The following PTPRO variants were observed in gnomAD, a reference collection of about 807,000 sequenced individuals.
PTPRO encodes the protein receptor-type tyrosine-protein phosphatase O.
PTPRO carries 62 observed loss-of-function variants against 145.2 expected under a neutral mutation model. The observed-to-expected ratio is 0.43, with a 90% CI of 0.35 to 0.53. PTPRO has a LOEUF of 0.53. Ranked by LOEUF, PTPRO falls within the 20% of genes least tolerant of loss-of-function variation. PTPRO has a pLI of 0.01. For missense variants in PTPRO, 1,345 were observed against 1,482.7 expected (o/e 0.91, Z 1.53); for synonymous variants, 565 against 514.7 (o/e 1.10, Z -1.32).
intron 1 of PTPRO, among the ~76,000 whole-genome samples, chr12:15,424,110 A>G (rs189563842): frequency 1.2e-4 from 19 of 152,344 alleles, no homozygotes; most frequent in African/African-American, 4.1e-4. Context: ...ATAACTGAAT[A>G]TTCTCAAATA....
intron 1 of PTPRO, among the ~76,000 whole-genome samples, chr12:15,448,627 A>C (rs951656695): frequency 6.6e-6 from 1 of 152,170 alleles, no homozygotes; most frequent in African/African-American, 2.4e-5. Flanking sequence ...GGCCTCTCAA[A>C]AAATTAAAAA....
At chr12:15,361,164 G>A (rs1254532732) in intron 1 of PTPRO, among the ~76,000 whole-genome samples, 10 of 151,600 alleles carry the variant, frequency 6.6e-5, no homozygotes, top group African/African-American at 2.2e-4. Context: ...TGGGTCGGGC[G>A]TGGTGGCTCA....
At chr12:15,388,407 G>A (rs909716109) in intron 1 of PTPRO, among the ~76,000 whole-genome samples, 5 of 152,194 alleles carry the variant, frequency 3.3e-5, no homozygotes, top group Middle Eastern at 3.4e-3. Flanking sequence ...CTGCACTGAA[G>A]CTTTTTTCTT....
chr12:15,412,417 A>G (rs1016435951), intron 1 of PTPRO, among the ~76,000 whole-genome samples: 18 of 152,250 alleles, frequency 1.2e-4, no homozygotes, highest in Non-Finnish European at 2.4e-4. Flanking sequence ...GGGTCATTGG[A>G]TAAGTTACCA....
chr12:15,409,953 T>A (rs1039940360), intron 1 of PTPRO, among the ~76,000 whole-genome samples: 10 of 152,146 alleles, frequency 6.6e-5, no homozygotes, highest in African/African-American at 2.4e-4. Flanking sequence ...ATGCAAACTA[T>A]GTCACCGTGT....
intron 1 of PTPRO, among the ~76,000 whole-genome samples, chr12:15,420,659 T>C (rs1004901625): frequency 6.8e-6 from 1 of 148,120 alleles, no homozygotes; most frequent in Non-Finnish European, 1.5e-5. Flanking sequence ...TAACTATCAT[T>C]ATATCACATG....
intron 1 of PTPRO, among the ~76,000 whole-genome samples, chr12:15,340,677 T>C (rs1485020423): frequency 2.0e-5 from 3 of 152,194 alleles, no homozygotes; most frequent in African/African-American, 7.2e-5. Flanking sequence ...GGAGAACTGG[T>C]GTTTTAAATT....
In PTPRO at chr12:15,447,008, C is replaced by T. The variant is rs1048495731; in HGVS notation, c.76-36966C>T. 3.3e-5 allele frequency among the ~76,000 whole-genome samples: 5 copies of T among 152,050 alleles called. No individual in the cohort carries two copies. In the East Asian group the frequency reaches 5.8e-4, roughly 18 times the overall value. The stretch of plus-strand genomic sequence containing the variant: ...CCCCTCCTCCCTGCATGTTAGCACA[C>T]GGTGAGCACACCCACTTTCCAGTGA... On this transcript the variant is annotated intron_variant, in intron 1 of 26. Transcript: ENST00000281171.
intron 17 of PTPRO, among the ~76,000 whole-genome samples, chr12:15,561,275 A>G (rs12298276): frequency 0.054 from 8,246 of 152,164 alleles, 726 homozygotes; most frequent in African/African-American, 0.18. Context: ...TGGTGCGGGT[A>G]TGAAAAGCAA....
In PTPRO at chr12:15,573,335, C is replaced by T. The variant is rs146477362; in HGVS notation, c.2829+3837C>T. 2.5e-3 allele frequency among the ~76,000 whole-genome samples: 381 copies of T among 152,264 alleles called. 1 individual carries two copies. The highest frequency in any genetic ancestry group is 4.0e-3 in the Non-Finnish European group (275 of 68,024). ...CAGCCACATTACGTAGCATAATCAG[C>T]CTTCCTCAAACTCTACTTACGTAAA... is the stretch of plus-strand genomic sequence containing the variant. On this transcript the variant is annotated intron_variant, in intron 19 of 26. Transcript: ENST00000281171.
At position 15,383,087 on chromosome 12, in the gene PTPRO, G is replaced by A. The variant is rs569460741; in HGVS notation, c.75+60286G>A. On this transcript the variant is annotated intron_variant, in intron 1 of 26. Coordinates refer to ENST00000281171, the MANE Select transcript of PTPRO (RefSeq NM_030667.3). Reference sequence around the variant, plus strand: ...ATTCCTCCTGCCTAACTGAAGCTTCGTGTTCTTTGACCAACATCTCCCCTT... The same window carrying A: ...ATTCCTCCTGCCTAACTGAAGCTTCATGTTCTTTGACCAACATCTCCCCTT... Among the ~76,000 whole-genome samples, 5 of 152,188 alleles carry A rather than the reference G, an allele frequency of 3.3e-5. No individual in the cohort carries two copies. In the East Asian group the frequency reaches 5.8e-4, roughly 18 times the overall value.
intron 1 of PTPRO, among the ~76,000 whole-genome samples, chr12:15,460,863 C>T (rs1053802684): frequency 6.6e-6 from 1 of 152,156 alleles, no homozygotes; most frequent in Non-Finnish European, 1.5e-5. Context: ...AAGGTCTTTT[C>T]CCACGCAGAA....
intron 1 of PTPRO, among the ~76,000 whole-genome samples, chr12:15,415,047 G>A (rs540327486): frequency 3.3e-5 from 5 of 152,172 alleles, no homozygotes; most frequent in African/African-American, 1.2e-4. Context: ...TGCATGGGAC[G>A]TTCTAACCAG....
At chr12:15,483,427 T>C (rs1475188421) in intron 1 of PTPRO, among the ~76,000 whole-genome samples, 1 of 152,160 alleles carries the variant, frequency 6.6e-6, no homozygotes, top group African/African-American at 2.4e-5. Context: ...TAAGAGATTA[T>C]GCTGGTTAAT....
At chr12:15,473,317 G>A (rs1311968400) in intron 1 of PTPRO, among the ~76,000 whole-genome samples, 1 of 151,910 alleles carries the variant, frequency 6.6e-6, no homozygotes, top group African/African-American at 2.4e-5. Context: ...CACCTAGCAT[G>A]ATGCCTGTTG....
intron 21 of PTPRO, among the ~76,000 whole-genome samples, chr12:15,580,413 G>C (rs1027867773): frequency 6.6e-6 from 1 of 152,210 alleles, no homozygotes; most frequent in Non-Finnish European, 1.5e-5. Flanking sequence ...TTCCACCCTA[G>C]CACCTGCACT....
intron 13 of PTPRO, among the ~76,000 whole-genome samples, chr12:15,548,488 A>T (rs1488095826): frequency 6.6e-6 from 1 of 151,998 alleles, no homozygotes; most frequent in Non-Finnish European, 1.5e-5. Context: ...ATATATACAT[A>T]TTACATGCAT....
chr12:15,481,431 C>G (rs1295851042), intron 1 of PTPRO, among the ~76,000 whole-genome samples: 1 of 152,180 alleles, frequency 6.6e-6, no homozygotes, highest in Non-Finnish European at 1.5e-5. Flanking sequence ...AAATGACTTT[C>G]ATTCATTAAT....
chr12:15,538,015 C>T (rs1450450383), intron 12 of PTPRO, among the ~76,000 whole-genome samples: 2 of 152,132 alleles, frequency 1.3e-5, no homozygotes, highest in East Asian at 1.9e-4. Flanking sequence ...GCAATACCTG[C>T]CATGCTACTC....
Sources: gnomAD v4.1 joint callset for allele counts (sites outside exome capture counted in the v4.1 genomes callset) on GRCh38, gnomAD v4.1.1 for gene constraint, MANE v1.5 for transcripts, NCBI Gene and HGNC (gene_info 2026-07-23, HGNC 2026-07-21) for gene names.